FGF23: variants seen among roughly 807,000 people sequenced by gnomAD.
The protein encoded by FGF23 is phosphatonin.
A neutral mutation model predicts 9.0 loss-of-function variants in FGF23; 8 were observed. The ratio of observed to expected loss-of-function variants is 0.89; its 90% CI spans 0.52 to 1.60. The LOEUF (loss-of-function observed/expected upper bound fraction) is 1.60, where lower values mean the gene tolerates loss of function less well. FGF23 is among the 40% of genes most tolerant of loss of function. The pLI, the probability that FGF23 is intolerant of heterozygous loss-of-function variation, is 0.00. For synonymous variants in FGF23, 118 were observed against 146.2 expected, an observed-to-expected ratio of 0.81 and a Z score of 1.39; for missense variants, 311 against 344.3, an observed-to-expected ratio of 0.90 and a Z score of 0.77.
chr12:4,368,687 T>C lies in FGF23; in HGVS notation c.*1656A>G, dbSNP rs1254603709. ...CAACTAGTTTTCCACCAAAATCCTT[T>C]TGGGATCTTTCACTGAGGAGCCTCC... is the stretch of plus-strand genomic sequence containing the variant. On this transcript the variant is annotated 3_prime_UTR_variant, in exon 3 of 3. Coordinates refer to ENST00000237837, the MANE Select transcript of FGF23 (RefSeq NM_020638.3). 1 of 203,710 alleles carries C rather than the reference T, an allele frequency of 4.9e-6. No homozygotes were observed. The allele number at this position is 203,710 out of a possible 1,614,324, so 12.6% of individuals were successfully genotyped here. A position where few individuals can be genotyped will look rare whatever the true frequency, so the allele number is the denominator to read the frequency against.
At chr12:4,378,156 A>G (rs1252531621) in intron 1 of FGF23, among the ~76,000 whole-genome samples, 1 of 152,328 alleles carries the variant, frequency 6.6e-6, no homozygotes, top group East Asian at 1.9e-4. Flanking sequence ...CGCATGTTAT[A>G]TATCTTGCAA....
At chr12:4,374,242 G>A (rs1162064410) in intron 1 of FGF23, among the ~76,000 whole-genome samples, 1 of 152,218 alleles carries the variant, frequency 6.6e-6, no homozygotes, top group East Asian at 1.9e-4. Context: ...AAGTGGACTG[G>A]GGTATGACAG....
chr12:4,372,245 G>A (rs956594310), intron 2 of FGF23, among the ~76,000 whole-genome samples: 6 of 150,954 alleles, frequency 4.0e-5, no homozygotes, highest in African/African-American at 1.5e-4. Flanking sequence ...GTTAGTGGGT[G>A]CAGCACACCA....
rs138460864 is a variant in FGF23 at position 4,372,272 on chromosome 12, C to T, written c.315+322G>A. On this transcript the variant is annotated intron_variant, in intron 2 of 2. Transcript: ENST00000237837. ...AGCACACCAGCATGGCACATGTATACGTATGTAACTAACCTGCACAATGTG... is the reference window on the plus strand; with the variant it reads ...AGCACACCAGCATGGCACATGTATATGTATGTAACTAACCTGCACAATGTG... Among the ~76,000 whole-genome samples the T allele has an allele frequency of 5.1e-3, 764 of 150,690 alleles. 9 individuals carry two copies. Among genetic ancestry groups the T allele is most frequent in the African/African-American group, 0.017 (703 of 40,986 alleles).
At chr12:4,374,377 C>T (rs756202608) in intron 1 of FGF23, among the ~76,000 whole-genome samples, 33 of 152,192 alleles carry the variant, frequency 2.2e-4, no homozygotes, top group Non-Finnish European at 4.0e-4. Flanking sequence ...CGACTGGGTG[C>T]GGTGGCTCAT....
intron 1 of FGF23, among the ~76,000 whole-genome samples, chr12:4,374,325 T>C (rs1448484414): frequency 6.6e-6 from 1 of 152,066 alleles, no homozygotes; most frequent in East Asian, 1.9e-4. Context: ...AGTTTTGTGG[T>C]AAACCTTTGG....
Position 4,368,234 on chromosome 12 carries a change from A to G in FGF23, c.*2109T>C, listed in dbSNP as rs1865026286. 1 of 167,614 alleles carries G rather than the reference A, an allele frequency of 6.0e-6. No homozygotes were observed. The highest frequency in any genetic ancestry group is 1.3e-5 in the Non-Finnish European group (1 of 77,198). 10.4% of individuals were successfully genotyped at this position (167,614 alleles called of 1,614,324 possible). On this transcript the variant is annotated 3_prime_UTR_variant, in exon 3 of 3. Coordinates refer to ENST00000237837, the MANE Select transcript of FGF23 (RefSeq NM_020638.3). ...CACTTTAGGGTTAGAATGACCAGAA[A>G]TCCAATATTGATAAAACTTAAATAA...
chr12:4,373,974 G>T (rs1337275127), intron 1 of FGF23, among the ~76,000 whole-genome samples: 1 of 152,082 alleles, frequency 6.6e-6, no homozygotes, highest in Non-Finnish European at 1.5e-5. Context: ...ATGGAGCCTT[G>T]TGGGGGTGAT....
In FGF23 at chr12:4,368,281, T is replaced by G. The variant is rs558079364; in HGVS notation, c.*2062A>C. ...ATAATTCTGTCTAGATCAATTAAAA[T>G]CATTGAGTCTCCTTATGAATGGAAG... On this transcript the variant is annotated 3_prime_UTR_variant, in exon 3 of 3. Coordinates refer to ENST00000237837, the MANE Select transcript of FGF23 (RefSeq NM_020638.3). The G allele has an allele frequency of 3.7e-4, 64 of 173,478 alleles. No homozygotes were observed. Among genetic ancestry groups the G allele is most frequent in the Non-Finnish European group, 6.8e-4 (55 of 80,340 alleles). The allele number at this position is 173,478 out of a possible 1,614,324, so 10.7% of individuals were successfully genotyped here. A position where few individuals can be genotyped will look rare whatever the true frequency, so the allele number is the denominator to read the frequency against.
intron 1 of FGF23, among the ~76,000 whole-genome samples, chr12:4,375,465 G>C (rs1317321536): frequency 6.6e-6 from 1 of 152,198 alleles, no homozygotes; most frequent in Non-Finnish European, 1.5e-5. Flanking sequence ...GAGAGTCAGA[G>C]TTTCTTTCCT....
chr12:4,372,925 C>T (rs970604660), intron 1 of FGF23, among the ~76,000 whole-genome samples: 1 of 152,190 alleles, frequency 6.6e-6, no homozygotes, highest in African/African-American at 2.4e-5. Context: ...CATCTTGTTG[C>T]CTGTATGGGG....
intron 2 of FGF23, among the ~76,000 whole-genome samples, chr12:4,371,040 G>C (rs1865059551): frequency 6.6e-6 from 1 of 152,208 alleles, no homozygotes; most frequent in Non-Finnish European, 1.5e-5. Flanking sequence ...GGGCTGGCCT[G>C]GCCTGTGGTT....
At chr12:4,376,529 G>GT (rs140174060) in intron 1 of FGF23, among the ~76,000 whole-genome samples, 18,223 of 148,702 alleles carry the variant, frequency 0.12, 1,193 homozygotes, top group East Asian at 0.22. Context: ...TTTGGGTAAC[G>GT]TTTTTTTTTT....
At chr12:4,378,741 G>T (rs1487060574) in intron 1 of FGF23, among the ~76,000 whole-genome samples, 2 of 151,676 alleles carry the variant, frequency 1.3e-5, no homozygotes, top group Non-Finnish European at 2.9e-5. Context: ...TGGATGGATG[G>T]ATGGATGGAT....
intron 1 of FGF23, 60 bp downstream of exon 1, chr12:4,379,312 G>A: frequency 6.7e-7 from 1 of 1,492,012 alleles, no homozygotes; most frequent in African/African-American, 1.4e-5. Flanking sequence ...ACCTCCCCAA[G>A]CCTCCTGTAG....
At chr12:4,378,294 C>A (rs1418539439) in intron 1 of FGF23, among the ~76,000 whole-genome samples, 2 of 152,260 alleles carry the variant, frequency 1.3e-5, no homozygotes, top group Non-Finnish European at 1.5e-5. Context: ...CAATAAAGGG[C>A]AAATCATAAT....
Position 4,379,699 on chromosome 12 carries a change from A to G in FGF23, c.-117T>C. 1.2e-6 allele frequency: 1 copy of G among 851,280 alleles called. No homozygotes were observed. Among genetic ancestry groups the G allele is most frequent in the Non-Finnish European group, 1.9e-6 (1 of 524,540 alleles). 52.7% of individuals were successfully genotyped at this position (851,280 alleles called of 1,614,324 possible). A position where few individuals can be genotyped will look rare whatever the true frequency, so the allele number is the denominator to read the frequency against. ...TCCCTTGCAAGTAGCTGGTGTGAGG[A>G]TCCTAGACTGGATTCCCTCCTTTTT... On this transcript the variant is annotated 5_prime_UTR_variant, in exon 1 of 3. Coordinates refer to ENST00000237837, the MANE Select transcript of FGF23 (RefSeq NM_020638.3).
chr12:4,372,961 A>G (rs1591673241), intron 1 of FGF23, among the ~76,000 whole-genome samples: 1 of 152,078 alleles, frequency 6.6e-6, no homozygotes, highest in South Asian at 2.1e-4. Flanking sequence ...GAATTCTTCT[A>G]CCTGTGCTGA....
intron 1 of FGF23, among the ~76,000 whole-genome samples, chr12:4,376,972 C>T (rs1271456095): frequency 6.6e-6 from 1 of 152,172 alleles, no homozygotes; most frequent in East Asian, 1.9e-4. Flanking sequence ...CGAAGTTCCC[C>T]TCCCCGCATT....
Sources: gnomAD v4.1 joint callset for allele counts (sites outside exome capture counted in the v4.1 genomes callset) on GRCh38, gnomAD v4.1.1 for gene constraint, MANE v1.5 for transcripts, NCBI Gene and HGNC (gene_info 2026-07-23, HGNC 2026-07-21) for gene names.